Variants in TRANK1 observed in about 807,000 individuals in gnomAD.
The protein encoded by TRANK1 is TPR and ankyrin repeat-containing protein 1.
TRANK1 carries 198 observed loss-of-function variants against 266.0 expected under a neutral mutation model. That is an observed-to-expected ratio of 0.74 (90% CI 0.66 to 0.84). The LOEUF (loss-of-function observed/expected upper bound fraction) is 0.84, where lower values mean the gene tolerates loss of function less well. Ranked by LOEUF, TRANK1 falls within the 40% of genes least tolerant of loss-of-function variation. TRANK1 has a pLI of 0.00. For synonymous variants in TRANK1, 1,396 were observed against 1,384.1 expected, an observed-to-expected ratio of 1.01 and a Z score of -0.19; for missense variants, 3,326 against 3,634.6, an observed-to-expected ratio of 0.92 and a Z score of 2.18.
intron 8 of TRANK1, among the ~76,000 whole-genome samples, chr3:36,886,097 G>A (rs2079599544): frequency 1.3e-5 from 2 of 150,794 alleles, no homozygotes; most frequent in Non-Finnish European, 3.0e-5. Flanking sequence ...CTAATTGAAG[G>A]AAGAAAAGGC....
At position 36,874,277 on chromosome 3, in the gene TRANK1, C is replaced by G. The variant is rs1271407870; in HGVS notation, c.927G>C (p.Gln309His). ...YLVKRQTEDV[Q>H]MLLRFGADPT... ...GATCTGCCCCAAAGCGCAGGAGCAT[C>G]TGCACATCCTCTGTTTGTCCTAGGG... The change falls in exon 9 of 24, where the codon CAG becomes CAC. Residue 309 changes from glutamine to histidine, a missense_variant. By Grantham distance (24) the Gln-to-His change is conservative. Coordinates refer to ENST00000645898, the MANE Select transcript of TRANK1 (RefSeq NM_001329998.2). 10 of 1,537,070 alleles carry G rather than the reference C, an allele frequency of 6.5e-6. No homozygotes were observed. Among genetic ancestry groups the G allele is most frequent in the Non-Finnish European group, 7.8e-6 (9 of 1,146,834 alleles).
chr3:36,871,059 C>G (rs1236448328), intron 9 of TRANK1, among the ~76,000 whole-genome samples: 3 of 146,828 alleles, frequency 2.0e-5, no homozygotes, highest in African/African-American at 7.6e-5. Flanking sequence ...AGAACATGCA[C>G]AGTATTCTAA....
At chr3:36,889,376 A>G (rs1184706770) in intron 8 of TRANK1, among the ~76,000 whole-genome samples, 1 of 152,212 alleles carries the variant, frequency 6.6e-6, no homozygotes, top group Non-Finnish European at 1.5e-5. Flanking sequence ...TCACTCGCTC[A>G]TGTGCCTAGT....
At chr3:36,900,868 A>AAAAAAAAAG in intron 3 of TRANK1, among the ~76,000 whole-genome samples, 1 of 148,204 alleles carries the variant, frequency 6.7e-6, no homozygotes, top group Non-Finnish European at 1.5e-5. Flanking sequence ...AAAAAAAAAA[A>AAAAAAAAAG]AAAAAAAAGA....
At chr3:36,905,067 T>A (rs1320755448) in intron 2 of TRANK1, among the ~76,000 whole-genome samples, 1 of 151,334 alleles carries the variant, frequency 6.6e-6, no homozygotes, top group Non-Finnish European at 1.5e-5. Flanking sequence ...AGCGGGCGGA[T>A]CACGAGGTCA....
At position 36,944,879 on chromosome 3, in the gene TRANK1, G is replaced by A; in HGVS notation, c.-70C>T. On this transcript the variant is annotated 5_prime_UTR_variant, in exon 1 of 24. Coordinates refer to ENST00000645898, the MANE Select transcript of TRANK1 (RefSeq NM_001329998.2). ...AAGCGCTTCCCTGTGGGCAGGGCGC[G>A]GCGGGCAGTGCGGAAGCCCGAAAGC... 6 of 1,373,608 alleles carry A rather than the reference G, an allele frequency of 4.4e-6. No homozygotes were observed. Among genetic ancestry groups the A allele is most frequent in the East Asian group, 3.1e-5 (1 of 32,290 alleles). The allele number at this position is 1,373,608 out of a possible 1,614,324, so 85.1% of individuals were successfully genotyped here. A position where few individuals can be genotyped will look rare whatever the true frequency, so the allele number is the denominator to read the frequency against.
Position 36,828,088 on chromosome 3 carries a change from G to C in TRANK1, c.*187C>G. 1 of 568,036 alleles carries C rather than the reference G, an allele frequency of 1.8e-6. No individual in the cohort carries two copies. The allele number at this position is 568,036 out of a possible 1,614,324, so 35.2% of individuals were successfully genotyped here. A position where few individuals can be genotyped will look rare whatever the true frequency, so the allele number is the denominator to read the frequency against. Reference sequence around the variant, plus strand: ...AGACTCTACTTGGAAACACTTTAGAGGTGAGGGAGCAATCAGATCCTAAGC... The same window carrying C: ...AGACTCTACTTGGAAACACTTTAGACGTGAGGGAGCAATCAGATCCTAAGC... On this transcript the variant is annotated 3_prime_UTR_variant, in exon 24 of 24. Coordinates refer to ENST00000645898, the MANE Select transcript of TRANK1 (RefSeq NM_001329998.2).
intron 9 of TRANK1, among the ~76,000 whole-genome samples, chr3:36,867,660 G>A (rs2079245173): frequency 2.0e-5 from 3 of 152,190 alleles, no homozygotes; most frequent in Admixed American, 6.5e-5. Context: ...ATAATCAAGA[G>A]TTTTTTAAAA....
chr3:36,859,361 C>T (rs1313015982), intron 11 of TRANK1, among the ~76,000 whole-genome samples: 5 of 151,508 alleles, frequency 3.3e-5, no homozygotes, highest in African/African-American at 4.9e-5. Context: ...TGGTGGTTTG[C>T]TGCACCCATC....
chr3:36,896,640 G>A (rs1325588961), intron 4 of TRANK1, among the ~76,000 whole-genome samples: 1 of 152,230 alleles, frequency 6.6e-6, no homozygotes, highest in African/African-American at 2.4e-5. Context: ...CAGCCATCAA[G>A]AAGCAGTTGT....
At chr3:36,913,623 GTGTTT>G (rs2080084906) in intron 1 of TRANK1, among the ~76,000 whole-genome samples, 1 of 152,110 alleles carries the variant, frequency 6.6e-6, no homozygotes, top group African/African-American at 2.4e-5. Context: ...GGACTTCAAT[GTGTTT>G]TGTTTTGTTT....
chr3:36,893,907 G>A (rs1295676935), intron 5 of TRANK1, among the ~76,000 whole-genome samples: 1 of 148,418 alleles, frequency 6.7e-6, no homozygotes, highest in Non-Finnish European at 1.5e-5. Flanking sequence ...TTTTGAGACA[G>A]AGTCTCACTC....
chr3:36,837,169 G>A (rs531243560), intron 20 of TRANK1, among the ~76,000 whole-genome samples: 2 of 152,240 alleles, frequency 1.3e-5, no homozygotes, highest in East Asian at 1.9e-4. Flanking sequence ...TTCTATCCAC[G>A]GAAAGAAATG....
intron 2 of TRANK1, among the ~76,000 whole-genome samples, chr3:36,904,411 A>G (rs1200962153): frequency 6.6e-6 from 1 of 151,562 alleles, no homozygotes; most frequent in Non-Finnish European, 1.5e-5. Context: ...TCCCAGCTAC[A>G]TGGCAGGCTG....
At chr3:36,944,547 C>A (rs1216347666) in intron 1 of TRANK1, among the ~76,000 whole-genome samples, 1 of 152,130 alleles carries the variant, frequency 6.6e-6, no homozygotes, top group African/African-American at 2.4e-5. Context: ...GCAGTCCTGT[C>A]GCAGCGCGTG....
Position 36,914,671 on chromosome 3 carries a change from CTT to C in TRANK1, c.24-6219_24-6218del, listed in dbSNP as rs200146357. Reference sequence around the variant, plus strand: ...TTTATTTCGAGAAGGAGTTTTCACTCTTGTCACCCAGGCTGGAGTGCAATGGC... The same window carrying C: ...TTTATTTCGAGAAGGAGTTTTCACTCGTCACCCAGGCTGGAGTGCAATGGC... On this transcript the variant is annotated intron_variant, in intron 1 of 23. Coordinates refer to ENST00000645898, the MANE Select transcript of TRANK1 (RefSeq NM_001329998.2). Among the ~76,000 whole-genome samples the C allele has an allele frequency of 6.5e-3, 982 of 151,676 alleles. 10 individuals are homozygous for C. The highest frequency in any genetic ancestry group is 5.0e-3 in the Non-Finnish European group (340 of 67,856).
chr3:36,913,340 A>G (rs1011664397), intron 1 of TRANK1, among the ~76,000 whole-genome samples: 2 of 151,518 alleles, frequency 1.3e-5, no homozygotes, highest in South Asian at 2.1e-4. Flanking sequence ...TTGAGCCACC[A>G]TGACCGTCCT....
intron 2 of TRANK1, among the ~76,000 whole-genome samples, chr3:36,905,301 A>T (rs1295247768): frequency 6.6e-6 from 1 of 152,052 alleles, no homozygotes; most frequent in Non-Finnish European, 1.5e-5. Flanking sequence ...AAAAAAAAAA[A>T]AAAAAATCCC....
intron 13 of TRANK1, 81 bp downstream of exon 13, chr3:36,855,092 A>G: frequency 7.9e-7 from 1 of 1,270,612 alleles, no homozygotes; most frequent in Non-Finnish European, 1.1e-6. Flanking sequence ...AAACCTAACA[A>G]GAGCTAGTCT....
Sources: gnomAD v4.1 joint callset for allele counts (sites outside exome capture counted in the v4.1 genomes callset) on GRCh38, gnomAD v4.1.1 for gene constraint, MANE v1.5 for transcripts, NCBI Gene and HGNC (gene_info 2026-07-23, HGNC 2026-07-21) for gene names.